The following CATSPERG variants were observed in gnomAD, a reference collection of about 807,000 sequenced individuals.
CATSPERG encodes catsper channel auxiliary subunit gamma.
In CATSPERG, 115 loss-of-function variants were observed where a neutral mutation model predicts 145.0. The observed-to-expected ratio is 0.79, with a 90% CI of 0.68 to 0.93. CATSPERG has a LOEUF of 0.93. Ranked by LOEUF, CATSPERG falls within the 40% of genes least tolerant of loss-of-function variation. The probability of loss-of-function intolerance (pLI) is 0.00; values close to 1 mark genes in which losing one functional copy is unlikely to be tolerated. For missense variants in CATSPERG, 1,296 were observed against 1,490.1 expected, an observed-to-expected ratio of 0.87 and a Z score of 2.14; for synonymous variants, 588 against 589.0, an observed-to-expected ratio of 1.00 and a Z score of 0.02.
chr19:38,347,497 A>G (rs1477716436), intron 7 of CATSPERG, among the ~76,000 whole-genome samples: 1 of 152,252 alleles, frequency 6.6e-6, no homozygotes, highest in Non-Finnish European at 1.5e-5. Context: ...AGGGTTTCCT[A>G]TTAGGCATTG....
chr19:38,351,753 AATT>A (rs1970145490), intron 7 of CATSPERG, among the ~76,000 whole-genome samples: 2 of 152,138 alleles, frequency 1.3e-5, no homozygotes, highest in South Asian at 4.2e-4. Flanking sequence ...CAAAAATAAA[AATT>A]AAAAAATTAG....
chr19:38,356,918 CT>C, intron 11 of CATSPERG, 57 bp downstream of exon 11: 1 of 1,598,894 alleles, frequency 6.3e-7, no homozygotes, highest in Non-Finnish European at 8.5e-7. Flanking sequence ...AGACTGTGGA[CT>C]GCATGCCCAT....
intron 3 of CATSPERG, chr19:38,337,993 A>C: frequency 4.3e-6 from 1 of 234,018 alleles, no homozygotes; most frequent in South Asian, 5.3e-5. Flanking sequence ...CTGGGATTAC[A>C]GGTGTGAGCC....
intron 1 of CATSPERG, 28 bp from the exon 2 acceptor site, chr19:38,337,193 C>T (rs749825131): frequency 1.3e-6 from 2 of 1,543,016 alleles, no homozygotes; most frequent in Middle Eastern, 1.9e-4. Context: ...CTGTCCGGCG[C>T]GTGGGTGTTG....
intron 22 of CATSPERG, chr19:38,365,348 G>C: frequency 2.0e-6 from 1 of 496,104 alleles, no homozygotes; most frequent in Non-Finnish European, 3.6e-6. Flanking sequence ...CGCGGTCTTG[G>C]CTCACTTTGC....
intron 23 of CATSPERG, 94 bp from the exon 24 acceptor site, chr19:38,367,415 T>G: frequency 6.4e-7 from 1 of 1,559,560 alleles, no homozygotes; most frequent in Non-Finnish European, 8.7e-7. Flanking sequence ...CCCACCCTTT[T>G]TCCTGCGGCA....
intron 8 of CATSPERG, among the ~76,000 whole-genome samples, chr19:38,353,213 T>A (rs535323118): frequency 3.3e-5 from 5 of 151,126 alleles, no homozygotes; most frequent in African/African-American, 4.9e-5. Flanking sequence ...GGGCACCTGT[T>A]ATTCCAGCTA....
At position 38,361,425 on chromosome 19, in the gene CATSPERG, C is replaced by T. The variant is rs192556781; in HGVS notation, c.1881-223C>T. ...AGAGGTCAAGTGGACAGGCAGATGG[C>T]GACTGCCCGTTGAGTAGGGAGGACT... On this transcript the variant is annotated intron_variant, in intron 16 of 28. Coordinates refer to ENST00000409235, the MANE Select transcript of CATSPERG (RefSeq NM_021185.5). Among the ~76,000 whole-genome samples the T allele has an allele frequency of 8.6e-4, 130 of 151,952 alleles. 1 individual carries two copies. Among genetic ancestry groups the T allele is most frequent in the African/African-American group, 3.1e-3 (128 of 41,416 alleles).
intron 8 of CATSPERG, 176 bp downstream of exon 8, chr19:38,352,608 T>G: frequency 1.6e-6 from 1 of 623,932 alleles, no homozygotes; most frequent in Non-Finnish European, 2.8e-6. Flanking sequence ...TTTTTTTTTT[T>G]TTTTTTTTTT....
At chr19:38,351,987 A>G (rs1322957130) in intron 7 of CATSPERG, among the ~76,000 whole-genome samples, 1 of 152,102 alleles carries the variant, frequency 6.6e-6, no homozygotes, top group Non-Finnish European at 1.5e-5. Context: ...GGGCACAAGG[A>G]CCGCTAAGGA....
chr19:38,364,993 G>C (rs1367446419), intron 21 of CATSPERG, 22 bp downstream of exon 21: 1 of 1,613,648 alleles, frequency 6.2e-7, no homozygotes, highest in Non-Finnish European at 8.5e-7. Flanking sequence ...GCCTGGAGGG[G>C]AGGGTGCAGG....
chr19:38,359,241 T>C (rs1047475822), intron 13 of CATSPERG, among the ~76,000 whole-genome samples: 1 of 151,898 alleles, frequency 6.6e-6, no homozygotes, highest in African/African-American at 2.4e-5. Flanking sequence ...CTGAGCCACC[T>C]TCTTGGGTGG....
At chr19:38,352,119 C>A in intron 7 of CATSPERG, 142 bp from the exon 8 acceptor site, 1 of 766,596 alleles carries the variant, frequency 1.3e-6, no homozygotes, top group Non-Finnish European at 2.1e-6. Context: ...GGTGCTGCTG[C>A]GGGGTGAGCA....
At chr19:38,342,855 C>G (rs1241664599) in intron 3 of CATSPERG, among the ~76,000 whole-genome samples, 1 of 152,056 alleles carries the variant, frequency 6.6e-6, no homozygotes, top group African/African-American at 2.4e-5. Flanking sequence ...CGCTCCCCAC[C>G]CTTTTCTATT....
intron 10 of CATSPERG, 99 bp downstream of exon 10, chr19:38,356,642 G>T (rs1352246424): frequency 3.8e-6 from 6 of 1,587,822 alleles, no homozygotes; most frequent in Non-Finnish European, 5.2e-6. Flanking sequence ...AGAATGGGCA[G>T]TGTCTTAGGG....
At chr19:38,354,432 C>T (rs2145088722) in intron 8 of CATSPERG, among the ~76,000 whole-genome samples, 1 of 152,338 alleles carries the variant, frequency 6.6e-6, no homozygotes, top group South Asian at 2.1e-4. Context: ...GATATTGCCT[C>T]TGATTTGGCC....
chr19:38,364,788 A>T (rs1400097053), intron 20 of CATSPERG, 103 bp from the exon 21 acceptor site: 2 of 913,068 alleles, frequency 2.2e-6, no homozygotes, highest in Non-Finnish European at 1.8e-6. Flanking sequence ...TTTTCCTACC[A>T]GCCACCACCT....
Position 38,370,547 on chromosome 19 carries a change from G to A in CATSPERG, c.3235G>A (p.Gly1079Ser). Residue 1079 changes from glycine to serine, a missense_variant, in exon 29 of 29, where the codon GGC (glycine) becomes AGC (serine). Gly to Ser is a moderately conservative substitution (Grantham distance 56). Coordinates refer to ENST00000409235, the MANE Select transcript of CATSPERG (RefSeq NM_021185.5). ...IIMVSASVFV[G>S]LVIFYIAFCL... is the part of the protein sequence containing the mutation. The stretch of plus-strand genomic sequence containing the variant: ...GCAGGTGTCAGCTAGCGTGTTTGTG[G>A]GCCTGGTGATCTTCTACATCGCCTT... The A allele has an allele frequency of 6.2e-7, 1 of 1,614,112 alleles. No homozygotes were observed. The highest frequency in any genetic ancestry group is 2.2e-5 in the East Asian group (1 of 44,876).
At chr19:38,354,156 CTT>C (rs1568376925) in intron 8 of CATSPERG, among the ~76,000 whole-genome samples, 1 of 152,154 alleles carries the variant, frequency 6.6e-6, no homozygotes, top group Non-Finnish European at 1.5e-5. Flanking sequence ...TGCTTAGTCT[CTT>C]TCTTACTTTG....
Sources: allele counts gnomAD v4.1 joint callset (sites outside exome capture counted in the v4.1 genomes callset), GRCh38; gene constraint gnomAD v4.1.1; transcripts MANE v1.5; gene names NCBI Gene and HGNC (gene_info 2026-07-23, HGNC 2026-07-21).